GOLPH3L: variants seen among roughly 807,000 people sequenced by gnomAD.
The protein encoded by GOLPH3L is golgi phosphoprotein 3 like.
GOLPH3L carries 22 observed loss-of-function variants against 30.3 expected under a neutral mutation model. The ratio of observed to expected loss-of-function variants is 0.73; its 90% CI spans 0.52 to 1.04. The LOEUF is 1.04. GOLPH3L is among the 50% of genes least tolerant of loss of function. GOLPH3L has a pLI of 0.00. For synonymous variants in GOLPH3L, 120 were observed against 128.2 expected, an observed-to-expected ratio of 0.94 and a Z score of 0.43; for missense variants, 303 against 345.8, an observed-to-expected ratio of 0.88 and a Z score of 0.98.
At chr1:150,673,340 G>C (rs1399572539) in intron 2 of GOLPH3L, among the ~76,000 whole-genome samples, 1 of 152,012 alleles carries the variant, frequency 6.6e-6, no homozygotes, top group African/African-American at 2.4e-5. Flanking sequence ...GAGGCGGGCG[G>C]ATCACAAGGT....
At chr1:150,663,817 C>T (rs1447878508) in intron 2 of GOLPH3L, 54 bp from the exon 3 acceptor site, 5 of 1,514,594 alleles carry the variant, frequency 3.3e-6, no homozygotes, top group African/African-American at 1.4e-5. Context: ...ATACTGACTT[C>T]CAGCAGGCAC....
intron 2 of GOLPH3L, among the ~76,000 whole-genome samples, chr1:150,675,185 T>C (rs1237017535): frequency 6.6e-6 from 1 of 152,070 alleles, no homozygotes; most frequent in Non-Finnish European, 1.5e-5. Context: ...TGGCTTCCAA[T>C]GATTTAAAAC....
intron 4 of GOLPH3L, among the ~76,000 whole-genome samples, chr1:150,653,339 T>G (rs1650169656): frequency 6.7e-6 from 1 of 149,134 alleles, no homozygotes; most frequent in Admixed American, 6.7e-5. Context: ...ACTGTCGCCC[T>G]GGCTGGAGTG....
chr1:150,663,078 A>G (rs1042604221), intron 3 of GOLPH3L, among the ~76,000 whole-genome samples: 3 of 151,380 alleles, frequency 2.0e-5, no homozygotes, highest in Non-Finnish European at 4.4e-5. Flanking sequence ...ACTGTCCCCC[A>G]GGCTGGAGTG....
At chr1:150,663,320 G>A (rs974568365) in intron 3 of GOLPH3L, among the ~76,000 whole-genome samples, 12 of 152,044 alleles carry the variant, frequency 7.9e-5, no homozygotes, top group South Asian at 2.1e-4. Context: ...GATTACAAGC[G>A]TGAGCCACTG....
At position 150,671,354 on chromosome 1, in the gene GOLPH3L, C is replaced by T. The variant is rs587609426; in HGVS notation, c.184-7591G>A. Among the ~76,000 whole-genome samples, 10 of 152,186 alleles carry T rather than the reference C, an allele frequency of 6.6e-5. No homozygotes were observed. The South Asian group carries it at 1.2e-3, about 19-fold the overall frequency. On this transcript the variant is annotated intron_variant, in intron 2 of 4. Coordinates refer to ENST00000271732, the MANE Select transcript of GOLPH3L (RefSeq NM_018178.6). ...ACATATTTAAACTTTAAAGATTGCA[C>T]AATGGGAATTCAATAAATTCAGACA...
chr1:150,665,153 CA>C lies in GOLPH3L; in HGVS notation c.184-1391del, dbSNP rs587715359. Among the ~76,000 whole-genome samples the C allele has an allele frequency of 4.4e-4, 67 of 152,172 alleles. 1 individual carries two copies. In the East Asian group the frequency reaches 8.1e-3, roughly 18 times the overall value. ...GCATTATCTGATTATATCTTCACAA[CA>C]ACCCTATAAAGGAAGTACTACTACT... On this transcript the variant is annotated intron_variant, in intron 2 of 4. Transcript: ENST00000271732.
At chr1:150,673,047 C>T (rs587683497) in intron 2 of GOLPH3L, among the ~76,000 whole-genome samples, 5 of 151,634 alleles carry the variant, frequency 3.3e-5, no homozygotes, top group Admixed American at 6.6e-5. Flanking sequence ...CATGCTAATG[C>T]GTTGTCAGTG....
intron 4 of GOLPH3L, among the ~76,000 whole-genome samples, chr1:150,658,049 G>A (rs587701696): frequency 6.6e-6 from 1 of 152,320 alleles, no homozygotes; most frequent in East Asian, 1.9e-4. Flanking sequence ...CTCCAGGACC[G>A]AATCAACAGC....
At chr1:150,651,107 A>G (rs587613846) in intron 4 of GOLPH3L, among the ~76,000 whole-genome samples, 7 of 152,342 alleles carry the variant, frequency 4.6e-5, no homozygotes, top group Admixed American at 2.0e-4. Context: ...ATTTGAGGCC[A>G]GGAGTTCAAG....
At chr1:150,662,898 G>C (rs72702504) in intron 3 of GOLPH3L, among the ~76,000 whole-genome samples, 58,524 of 151,934 alleles carry the variant, frequency 0.39, 11,589 homozygotes, top group South Asian at 0.55. Context: ...AATTCAGTAA[G>C]AAAATGGATA....
At chr1:150,651,117 G>A (rs1650094935) in intron 4 of GOLPH3L, among the ~76,000 whole-genome samples, 1 of 152,186 alleles carries the variant, frequency 6.6e-6, no homozygotes, top group Non-Finnish European at 1.5e-5. Flanking sequence ...AGGAGTTCAA[G>A]ACAAGCCTGG....
chr1:150,657,970 G>A (rs1650281800), intron 4 of GOLPH3L, among the ~76,000 whole-genome samples: 1 of 152,228 alleles, frequency 6.6e-6, no homozygotes, highest in African/African-American at 2.4e-5. Context: ...GTTTGGTGGA[G>A]AGATCCGGTA....
intron 4 of GOLPH3L, among the ~76,000 whole-genome samples, chr1:150,653,798 T>C (rs587748178): frequency 6.6e-6 from 1 of 150,650 alleles, no homozygotes; most frequent in Admixed American, 6.6e-5. Flanking sequence ...GTTTCACTCT[T>C]GTCACCCAGG....
At chr1:150,689,447 C>G (rs1651160979) in intron 2 of GOLPH3L, among the ~76,000 whole-genome samples, 1 of 152,142 alleles carries the variant, frequency 6.6e-6, no homozygotes. Flanking sequence ...AACAAATAAG[C>G]AGATTCCTGA....
At chr1:150,661,080 T>C (rs1452131210) in intron 4 of GOLPH3L, among the ~76,000 whole-genome samples, 4 of 152,032 alleles carry the variant, frequency 2.6e-5, no homozygotes, top group Non-Finnish European at 4.4e-5. Flanking sequence ...ATACAAAAAT[T>C]AGCCAGGCGT....
chr1:150,659,813 G>A (rs587773068), intron 4 of GOLPH3L, among the ~76,000 whole-genome samples: 2 of 152,206 alleles, frequency 1.3e-5, no homozygotes, highest in East Asian at 1.9e-4. Context: ...TGGGTAGACT[G>A]TCTGAGCTCA....
At chr1:150,673,427 C>T (rs1264392405) in intron 2 of GOLPH3L, among the ~76,000 whole-genome samples, 4 of 151,756 alleles carry the variant, frequency 2.6e-5, no homozygotes, top group East Asian at 1.9e-4. Flanking sequence ...GCTGGGCAGG[C>T]GTGGTGGTGG....
At position 150,663,721 on chromosome 1, in the gene GOLPH3L, G is replaced by A. The variant is rs1337706573; in HGVS notation, c.226C>T (p.Arg76Ter). 6.2e-7 allele frequency: 1 copy of A among 1,612,948 alleles called. No homozygotes were observed. Among genetic ancestry groups the A allele is most frequent in the Non-Finnish European group, 8.5e-7 (1 of 1,179,036 alleles). The part of the protein sequence containing the change: ...FWNDCISSGL[R>*]GGILIELAMR... ...GCCAGCTCTATCAGGATGCCCCCTCGCAGGCCTGATGATATGCAGTCATTC... is the reference window on the plus strand; with the variant it reads ...GCCAGCTCTATCAGGATGCCCCCTCACAGGCCTGATGATATGCAGTCATTC... The change falls in exon 3 of 5, where the codon CGA becomes TGA. Residue 76 changes from arginine (R) to a stop codon, truncating the protein, a stop_gained. Transcript: ENST00000271732. LOFTEE classifies it high-confidence loss of function.
Sources: gnomAD v4.1 joint callset for allele counts (sites outside exome capture counted in the v4.1 genomes callset) on GRCh38, gnomAD v4.1.1 for gene constraint, MANE v1.5 for transcripts, NCBI Gene and HGNC (gene_info 2026-07-23, HGNC 2026-07-21) for gene names.